ADAMTS18: variants seen among roughly 807,000 people sequenced by gnomAD.
The protein encoded by ADAMTS18 is A disintegrin and metalloproteinase with thrombospondin motifs 18.
Under a neutral mutation model 165.9 loss-of-function variants are expected in ADAMTS18, and 157 were observed. That is an observed-to-expected ratio of 0.95 (90% CI 0.83 to 1.08). The LOEUF (loss-of-function observed/expected upper bound fraction) is 1.08, where lower values mean the gene tolerates loss of function less well. Ranked by LOEUF, ADAMTS18 falls within the 50% of genes least tolerant of loss-of-function variation. ADAMTS18 has a pLI of 0.00. For synonymous variants in ADAMTS18, 782 were observed against 578.2 expected, an observed-to-expected ratio of 1.35 and a Z score of -5.06; for missense variants, 2,040 against 1,534.0, an observed-to-expected ratio of 1.33 and a Z score of -5.51.
intron 3 of ADAMTS18, among the ~76,000 whole-genome samples, chr16:77,385,497 G>T (rs567720352): frequency 4.6e-4 from 70 of 152,282 alleles, no homozygotes; most frequent in Admixed American, 2.4e-3. Context: ...CAAGGCTGCT[G>T]GCTTGCTGAT....
rs1430439608 is a variant in ADAMTS18, at chr16:77,314,785, T to TATATAA, written c.2532+5063_2532+5064insTTATAT. 1.6e-4 allele frequency among the ~76,000 whole-genome samples: 14 copies of TATATAA among 87,106 alleles called. No individual in the cohort carries two copies. The East Asian group carries it at 3.9e-3, about 24-fold the overall frequency. The allele number at this position is 87,106 out of a possible 152,430, so 57.1% of individuals were successfully genotyped here. A position where few individuals can be genotyped will look rare whatever the true frequency, so the allele number is the denominator to read the frequency against. ...ATATATATATATATATATATATATA[T>TATATAA]AAAATATATGTGATATGCTCAGAAG... On this transcript the variant is annotated intron_variant, in intron 16 of 22. Coordinates refer to ENST00000282849, the MANE Select transcript of ADAMTS18 (RefSeq NM_199355.4).
At chr16:77,285,224 G>A (rs747335607) in intron 22 of ADAMTS18, among the ~76,000 whole-genome samples, 9 of 152,168 alleles carry the variant, frequency 5.9e-5, no homozygotes, top group African/African-American at 1.4e-4. Context: ...CCAGGCTGGA[G>A]TGCAATGGTA....
intron 3 of ADAMTS18, among the ~76,000 whole-genome samples, chr16:77,385,701 T>A (rs983647520): frequency 6.6e-6 from 1 of 152,148 alleles, no homozygotes; most frequent in Non-Finnish European, 1.5e-5. Flanking sequence ...CATCAACCCA[T>A]TGGGCAGGTG....
intron 3 of ADAMTS18, among the ~76,000 whole-genome samples, chr16:77,368,329 A>G (rs1426213899): frequency 3.3e-5 from 5 of 152,084 alleles, no homozygotes; most frequent in Non-Finnish European, 7.3e-5. Flanking sequence ...ATTCTGCTGC[A>G]TTGCATTTAT....
At chr16:77,366,712 T>C (rs1035514722) in intron 4 of ADAMTS18, among the ~76,000 whole-genome samples, 2 of 152,216 alleles carry the variant, frequency 1.3e-5, no homozygotes, top group African/African-American at 4.8e-5. Context: ...CCAATAAAAA[T>C]TTATCATCTG....
At chr16:77,315,869 G>T (rs530980763) in intron 16 of ADAMTS18, among the ~76,000 whole-genome samples, 1 of 152,118 alleles carries the variant, frequency 6.6e-6, no homozygotes, top group Admixed American at 6.6e-5. Context: ...ACACTCAACC[G>T]CCTACTTGAC....
At chr16:77,402,911 C>G (rs1250475849) in intron 3 of ADAMTS18, among the ~76,000 whole-genome samples, 1 of 152,226 alleles carries the variant, frequency 6.6e-6, no homozygotes. Context: ...CCAAATGTCA[C>G]TGAAACACAA....
At chr16:77,299,542 C>T (rs1355304542) in intron 17 of ADAMTS18, among the ~76,000 whole-genome samples, 4 of 152,146 alleles carry the variant, frequency 2.6e-5, no homozygotes, top group African/African-American at 4.8e-5. Flanking sequence ...CTCACTGTCA[C>T]CAGGTGCTCT....
chr16:77,414,028 C>T (rs924609474), intron 3 of ADAMTS18, among the ~76,000 whole-genome samples: 1 of 152,142 alleles, frequency 6.6e-6, no homozygotes, highest in African/African-American at 2.4e-5. Context: ...ATAGAAATTT[C>T]TGCATAGAAA....
At chr16:77,386,454 G>C (rs1011240118) in intron 3 of ADAMTS18, among the ~76,000 whole-genome samples, 1 of 152,082 alleles carries the variant, frequency 6.6e-6, no homozygotes, top group Non-Finnish European at 1.5e-5. Context: ...GCCCAATATT[G>C]TCATTTCATC....
At chr16:77,321,287 T>C (rs2055994304) in intron 14 of ADAMTS18, 85 bp from the exon 15 acceptor site, 2 of 1,552,338 alleles carry the variant, frequency 1.3e-6, no homozygotes, top group Admixed American at 1.7e-5. Flanking sequence ...TGGTTCTCTG[T>C]ATTTACAGAA....
chr16:77,339,195 GT>G (rs1292155286), intron 11 of ADAMTS18, among the ~76,000 whole-genome samples: 2 of 151,140 alleles, frequency 1.3e-5, no homozygotes, highest in Non-Finnish European at 3.0e-5. Flanking sequence ...CAAGCAGCCA[GT>G]GATATCCCCT....
At chr16:77,333,881 AT>A (rs1224840792) in intron 12 of ADAMTS18, among the ~76,000 whole-genome samples, 1 of 95,482 alleles carries the variant, frequency 1.0e-5, no homozygotes, top group Non-Finnish European at 2.3e-5. Context: ...TATATAGTAT[AT>A]TAGTATATTA....
At chr16:77,410,820 CCCTT>C (rs2057452875) in intron 3 of ADAMTS18, among the ~76,000 whole-genome samples, 1 of 152,112 alleles carries the variant, frequency 6.6e-6, no homozygotes, top group South Asian at 2.1e-4. Context: ...AGCTGGGAAC[CCCTT>C]CTAGCACCCA....
At position 77,293,061 on chromosome 16, in the gene ADAMTS18, A is replaced by T. The variant is rs762515143; in HGVS notation, c.3189+15T>A. The T allele has an allele frequency of 3.1e-6, 5 of 1,613,864 alleles. No individual in the cohort carries two copies. The highest frequency in any genetic ancestry group is 2.7e-5 in the African/African-American group (2 of 75,002). On this transcript the variant is annotated intron_variant, in intron 20 of 22. Transcript: ENST00000282849. The stretch of plus-strand genomic sequence containing the variant: ...GTCTCAATCTCCTGACCCAGCAGTG[A>T]CTTCTAATCCATACCTCGCTCCACG...
intron 16 of ADAMTS18, among the ~76,000 whole-genome samples, chr16:77,306,258 C>A (rs1346560727): frequency 3.3e-5 from 5 of 152,162 alleles, no homozygotes; most frequent in Admixed American, 2.6e-4. Context: ...CTACCTTTAA[C>A]ACACAAACCA....
chr16:77,398,848 T>TTC (rs1323997188), intron 3 of ADAMTS18, among the ~76,000 whole-genome samples: 2 of 152,066 alleles, frequency 1.3e-5, no homozygotes, highest in Non-Finnish European at 2.9e-5. Flanking sequence ...AAGTGTAAGT[T>TTC]TAAGACCTAA....
At chr16:77,321,291 T>C (rs1473181318) in intron 14 of ADAMTS18, 89 bp from the exon 15 acceptor site, 3 of 1,538,282 alleles carry the variant, frequency 2.0e-6, no homozygotes, top group Non-Finnish European at 2.7e-6. Context: ...TCTCTGTATT[T>C]ACAGAACATT....
intron 3 of ADAMTS18, among the ~76,000 whole-genome samples, chr16:77,429,540 A>T (rs1352409020): frequency 6.6e-6 from 1 of 152,214 alleles, no homozygotes; most frequent in Non-Finnish European, 1.5e-5. Context: ...TTGTGACATG[A>T]GTTCACCCAC....
Sources: allele counts gnomAD v4.1 joint callset (sites outside exome capture counted in the v4.1 genomes callset), GRCh38; gene constraint gnomAD v4.1.1; transcripts MANE v1.5; gene names NCBI Gene and HGNC (gene_info 2026-07-23, HGNC 2026-07-21).